The following GRIN2B variants were observed in gnomAD, a reference collection of about 807,000 sequenced individuals.
GRIN2B encodes glutamate ionotropic receptor NMDA type subunit 2B.
A neutral mutation model predicts 114.5 loss-of-function variants in GRIN2B; 5 were observed. That is an observed-to-expected ratio of 0.04 (90% confidence interval 0.02 to 0.09). The LOEUF is 0.09. Ranked by LOEUF, GRIN2B falls within the 10% of genes least tolerant of loss-of-function variation. The pLI, the probability that GRIN2B is intolerant of heterozygous loss-of-function variation, is 1.00. For synonymous variants in GRIN2B, 787 were observed against 745.1 expected, an observed-to-expected ratio of 1.06 and a Z score of -0.92; for missense variants, 1,108 against 1,943.5, an observed-to-expected ratio of 0.57 and a Z score of 8.08.
intron 4 of GRIN2B, among the ~76,000 whole-genome samples, chr12:13,741,411 C>G (rs559885041): frequency 2.0e-5 from 3 of 152,186 alleles, no homozygotes; most frequent in Non-Finnish European, 4.4e-5. Flanking sequence ...CTAATTCACT[C>G]AACCTCTTTA....
At chr12:13,772,388 C>T (rs1243732220) in intron 3 of GRIN2B, among the ~76,000 whole-genome samples, 1 of 152,196 alleles carries the variant, frequency 6.6e-6, no homozygotes, top group Non-Finnish European at 1.5e-5. Flanking sequence ...CTTTTTGTCT[C>T]ATCTGCAGAC....
At chr12:13,905,946 T>G (rs1565582092) in intron 2 of GRIN2B, among the ~76,000 whole-genome samples, 1 of 152,164 alleles carries the variant, frequency 6.6e-6, no homozygotes, top group African/African-American at 2.4e-5. Context: ...CAGCTTAATA[T>G]GGGAGGGTTT....
intron 4 of GRIN2B, among the ~76,000 whole-genome samples, chr12:13,700,462 C>T (rs906924796): frequency 6.6e-6 from 1 of 152,168 alleles, no homozygotes; most frequent in Non-Finnish European, 1.5e-5. Context: ...TTCCCCCATA[C>T]CCCCACTACC....
intron 3 of GRIN2B, among the ~76,000 whole-genome samples, chr12:13,779,593 AATT>A (rs748056782): frequency 5.7e-4 from 87 of 152,206 alleles, no homozygotes; most frequent in Non-Finnish European, 1.2e-3. Flanking sequence ...TCAATACAAA[AATT>A]ATTAATGAGG....
chr12:13,673,460 C>T (rs1950041838), intron 5 of GRIN2B, among the ~76,000 whole-genome samples: 1 of 152,070 alleles, frequency 6.6e-6, no homozygotes, highest in African/African-American at 2.4e-5. Flanking sequence ...AGAGAAGGAA[C>T]ATCACAGTCA....
intron 4 of GRIN2B, among the ~76,000 whole-genome samples, chr12:13,722,997 G>C (rs910101519): frequency 6.6e-6 from 1 of 152,066 alleles, no homozygotes; most frequent in Non-Finnish European, 1.5e-5. Context: ...TCCAGCTATA[G>C]CTTCTTGCCC....
At chr12:13,770,803 T>C (rs1863893474) in intron 3 of GRIN2B, among the ~76,000 whole-genome samples, 1 of 152,190 alleles carries the variant, frequency 6.6e-6, no homozygotes, top group Admixed American at 6.5e-5. Flanking sequence ...AGGATATATG[T>C]GCAGAGTTGG....
intron 3 of GRIN2B, among the ~76,000 whole-genome samples, chr12:13,803,399 G>A (rs1210066999): frequency 6.6e-6 from 1 of 152,072 alleles, no homozygotes; most frequent in African/African-American, 2.4e-5. Context: ...TTCTGTGCAT[G>A]CAAGATCTGC....
chr12:13,861,478 A>T lies in GRIN2B; in HGVS notation c.411+4320T>A, dbSNP rs537733007. ...GATCTCAGGGAGAATAAAAGCAATT[A>T]TAACAAGGCAAAATAAAATAGGCTC... On this transcript the variant is annotated intron_variant, in intron 3 of 13. Coordinates refer to ENST00000609686, the MANE Select transcript of GRIN2B (RefSeq NM_000834.5). Among the ~76,000 whole-genome samples, 3 of 152,370 alleles carry T rather than the reference A, an allele frequency of 2.0e-5. No homozygotes were observed. In the East Asian group the frequency reaches 5.8e-4, roughly 29 times the overall value.
At chr12:13,695,213 G>A (rs749154145) in intron 4 of GRIN2B, among the ~76,000 whole-genome samples, 21 of 152,102 alleles carry the variant, frequency 1.4e-4, no homozygotes, top group Non-Finnish European at 2.9e-4. Context: ...GACAGGATAG[G>A]AAACCAGTGC....
chr12:13,699,443 A>G (rs1450852025), intron 4 of GRIN2B, among the ~76,000 whole-genome samples: 5 of 152,202 alleles, frequency 3.3e-5, no homozygotes, highest in Non-Finnish European at 7.3e-5. Context: ...ATTAACATGT[A>G]TCACTTGTTT....
At position 13,547,981 on chromosome 12, in the gene GRIN2B, A is replaced by ATATATATATATATATTTTTTT; in HGVS notation, c.*14801_*14802insAAAAAAATATATATATATATA. On this transcript the variant is annotated 3_prime_UTR_variant, in exon 14 of 14. Coordinates refer to ENST00000609686, the MANE Select transcript of GRIN2B (RefSeq NM_000834.5). ...TGTGTATATATATATATATATATAT[A>ATATATATATATATATTTTTTT]TTTTTTTTTTTTTTCTGAAAGCTAC... 44 of 68,586 alleles carry ATATATATATATATATTTTTTT rather than the reference A, an allele frequency of 6.4e-4. 1 individual carries two copies. Among genetic ancestry groups the ATATATATATATATATTTTTTT allele is most frequent in the Admixed American group, 7.7e-4 (4 of 5,186 alleles). The allele number at this position is 68,586 out of a possible 1,614,324, so 4.2% of individuals were successfully genotyped here. A position where few individuals can be genotyped will look rare whatever the true frequency, so the allele number is the denominator to read the frequency against.
At chr12:13,732,097 G>C (rs139886304) in intron 4 of GRIN2B, among the ~76,000 whole-genome samples, 5 of 151,344 alleles carry the variant, frequency 3.3e-5, no homozygotes, top group Non-Finnish European at 5.9e-5. Flanking sequence ...CAGAATGAGA[G>C]CATATAAGAG....
chr12:13,871,075 G>A (rs1477265112), intron 2 of GRIN2B, among the ~76,000 whole-genome samples: 1 of 151,980 alleles, frequency 6.6e-6, no homozygotes, highest in Non-Finnish European at 1.5e-5. Context: ...CATGTATAAG[G>A]CAACAACTAA....
intron 4 of GRIN2B, among the ~76,000 whole-genome samples, chr12:13,700,998 G>A (rs1008884248): frequency 5.3e-5 from 8 of 152,078 alleles, no homozygotes; most frequent in African/African-American, 1.7e-4. Context: ...AGCAAGGCTG[G>A]GGAGGTCTCA....
intron 4 of GRIN2B, among the ~76,000 whole-genome samples, chr12:13,688,170 A>C (rs1269292500): frequency 1.3e-5 from 2 of 152,176 alleles, no homozygotes; most frequent in Non-Finnish European, 2.9e-5. Flanking sequence ...CACGCTAAGA[A>C]CAATGTTGTC....
At chr12:13,825,019 CATTG>C (rs1354043625) in intron 3 of GRIN2B, among the ~76,000 whole-genome samples, 13 of 151,988 alleles carry the variant, frequency 8.6e-5, no homozygotes, top group African/African-American at 1.9e-4. Context: ...AGCTTCAGAT[CATTG>C]ATTGTTTATC....
intron 13 of GRIN2B, among the ~76,000 whole-genome samples, 189 bp downstream of exon 13, chr12:13,566,836 T>C (rs1194398586): frequency 6.6e-6 from 1 of 152,186 alleles, no homozygotes; most frequent in African/African-American, 2.4e-5. Flanking sequence ...GAAGGAAATA[T>C]AGTATCACCC....
intron 4 of GRIN2B, among the ~76,000 whole-genome samples, chr12:13,701,340 G>A (rs7979850): frequency 0.51 from 77,910 of 151,754 alleles, 20,275 homozygotes; most frequent in Middle Eastern, 0.59. Flanking sequence ...ATGAAATTGA[G>A]ATTGGAAGAC....
Sources: allele counts gnomAD v4.1 joint callset (sites outside exome capture counted in the v4.1 genomes callset), GRCh38; gene constraint gnomAD v4.1.1; transcripts MANE v1.5; gene names NCBI Gene and HGNC (gene_info 2026-07-23, HGNC 2026-07-21).